The following PDGFRA variants were observed in gnomAD, a reference collection of about 807,000 sequenced individuals.
PDGFRA encodes platelet-derived growth factor receptor alpha.
In PDGFRA, 25 loss-of-function variants were observed where a neutral mutation model predicts 121.5. The observed-to-expected ratio is 0.21, with a 90% CI of 0.15 to 0.29. The LOEUF is 0.29. PDGFRA is among the 10% of genes least tolerant of loss of function. The probability of loss-of-function intolerance (pLI) is 1.00; values close to 1 mark genes in which losing one functional copy is unlikely to be tolerated. For synonymous variants in PDGFRA, 463 were observed against 494.8 expected, an observed-to-expected ratio of 0.94 and a Z score of 0.85; for missense variants, 1,008 against 1,345.1, an observed-to-expected ratio of 0.75 and a Z score of 3.92.
At chr4:54,248,258 G>T (rs1348353607) in intron 1 of PDGFRA, among the ~76,000 whole-genome samples, 3 of 152,196 alleles carry the variant, frequency 2.0e-5, no homozygotes, top group Non-Finnish European at 4.4e-5. Context: ...GCATCGCCAA[G>T]TCAGTCCTAA....
At chr4:54,282,051 G>A (rs1299591046) in intron 16 of PDGFRA, 2 of 788,242 alleles carry the variant, frequency 2.5e-6, no homozygotes, top group East Asian at 7.3e-5. Flanking sequence ...TTATGTGTAT[G>A]TGTGTTTTAA....
chr4:54,279,557 AT>A (rs1411923179), intron 15 of PDGFRA, among the ~76,000 whole-genome samples: 2 of 151,946 alleles, frequency 1.3e-5, no homozygotes, highest in Non-Finnish European at 2.9e-5. Context: ...TATTTAAAAA[AT>A]TTTTTTATTT....
Position 54,277,344 on chromosome 4 carries a change from G to A in PDGFRA, c.1787-44G>A, listed in dbSNP as rs776392577. The A allele has an allele frequency of 2.3e-6, 3 of 1,329,578 alleles. No homozygotes were observed. The South Asian group carries it at 3.5e-5, about 16-fold the overall frequency. The allele number at this position is 1,329,578 out of a possible 1,614,324, so 82.4% of individuals were successfully genotyped here. A position where few individuals can be genotyped will look rare whatever the true frequency, so the allele number is the denominator to read the frequency against. On this transcript the variant is annotated intron_variant, in intron 12 of 22. Transcript: ENST00000257290. ...TGGCTACGGTGCAGAAAGCTGAGGA[G>A]GCGTCTGGAGTTTTTGGGTGTTAAT...
intron 4 of PDGFRA, 110 bp downstream of exon 4, chr4:54,264,037 T>G: frequency 1.0e-6 from 1 of 990,030 alleles, no homozygotes; most frequent in Non-Finnish European, 1.5e-6. Context: ...GATCCTAAAT[T>G]CTGATTTGGG....
rs143939281 is a variant in PDGFRA at position 54,261,276 on chromosome 4, C to T, written c.231C>T (p.Asn77=). The T allele has an allele frequency of 1.5e-4, 246 of 1,614,068 alleles. No individual in the cohort carries two copies. Among genetic ancestry groups the T allele is most frequent in the Admixed American group, 2.7e-4 (16 of 60,006 alleles). ...SDVEIRNEEN[N]SGLFVTVLEV... Reference sequence around the variant, plus strand: ...TGGAAATCAGAAATGAAGAAAACAACAGCGGCCTTTTTGTGACGGTCTTGG... The same window carrying T: ...TGGAAATCAGAAATGAAGAAAACAATAGCGGCCTTTTTGTGACGGTCTTGG... Residue 77 remains asparagine (N), a synonymous_variant, in exon 3 of 23, where the codon AAC becomes AAT. Coordinates refer to ENST00000257290, the MANE Select transcript of PDGFRA (RefSeq NM_006206.6).
chr4:54,245,981 T>A (rs1476784527), intron 1 of PDGFRA, among the ~76,000 whole-genome samples: 1 of 152,142 alleles, frequency 6.6e-6, no homozygotes, highest in Non-Finnish European at 1.5e-5. Context: ...CATTACATAA[T>A]GGTAAAGGGA....
chr4:54,230,983 T>C lies in PDGFRA; in HGVS notation c.-13+1568T>C, dbSNP rs543053743. Among the ~76,000 whole-genome samples the C allele has an allele frequency of 1.1e-4, 17 of 152,330 alleles. No homozygotes were observed. In the South Asian group the frequency reaches 3.3e-3, roughly 30 times the overall value. On this transcript the variant is annotated intron_variant, in intron 1 of 22. Transcript: ENST00000257290. ...ACGAGTGTGGCCCAACCCGAGTACG[T>C]TGCCAGAGGGAGCCAGGAGCCTGGG...
At position 54,273,663 on chromosome 4, in the gene PDGFRA, C is replaced by A. The variant is rs752368881; in HGVS notation, c.1491C>A (p.Ile497=). Residue 497 remains isoleucine, a synonymous_variant, in exon 10 of 23, where the codon ATC becomes ATA. Transcript: ENST00000257290. The part of the protein sequence containing the change: ...RVTFAKVEET[I]AVRCLAKNLL... ...CTTTCGCCAAAGTGGAGGAGACCAT[C>A]GCCGTGCGATGCCTGGCTAAGAATC... The A allele has an allele frequency of 1.9e-6, 3 of 1,614,024 alleles. No individual in the cohort carries two copies. The East Asian group carries it at 6.7e-5, about 36-fold the overall frequency.
chr4:54,291,677 G>T (rs1205312116), intron 22 of PDGFRA, among the ~76,000 whole-genome samples: 4 of 152,200 alleles, frequency 2.6e-5, no homozygotes, highest in Non-Finnish European at 4.4e-5. Flanking sequence ...TACACTGCTT[G>T]TTGAAGTGCA....
intron 1 of PDGFRA, among the ~76,000 whole-genome samples, chr4:54,245,084 A>G (rs1247360405): frequency 6.6e-6 from 1 of 152,226 alleles, no homozygotes; most frequent in Non-Finnish European, 1.5e-5. Flanking sequence ...GACCAAATCT[A>G]CGTCTGATTG....
chr4:54,252,604 A>G (rs1305743157), intron 1 of PDGFRA, among the ~76,000 whole-genome samples: 2 of 152,166 alleles, frequency 1.3e-5, no homozygotes, highest in African/African-American at 2.4e-5. Flanking sequence ...AAAAAAGAAG[A>G]TGTGTAATTT....
intron 1 of PDGFRA, among the ~76,000 whole-genome samples, chr4:54,235,073 T>C (rs1720937286): frequency 6.6e-6 from 1 of 152,164 alleles, no homozygotes; most frequent in African/African-American, 2.4e-5. Flanking sequence ...AGGGAGAAGT[T>C]TCCACCAGTG....
chr4:54,236,909 AG>A (rs749291926), intron 1 of PDGFRA, among the ~76,000 whole-genome samples: 18 of 152,232 alleles, frequency 1.2e-4, no homozygotes, highest in Non-Finnish European at 2.4e-4. Flanking sequence ...TGGAATCTTA[AG>A]CAACAAACAC....
intron 1 of PDGFRA, among the ~76,000 whole-genome samples, chr4:54,254,555 T>G (rs1722248125): frequency 6.6e-6 from 1 of 152,202 alleles, no homozygotes; most frequent in African/African-American, 2.4e-5. Flanking sequence ...AACCCTTCTT[T>G]TAAGCTCGAG....
intron 1 of PDGFRA, among the ~76,000 whole-genome samples, chr4:54,255,696 AG>A (rs777900730): frequency 3.3e-5 from 5 of 151,950 alleles, no homozygotes; most frequent in Non-Finnish European, 2.9e-5. Flanking sequence ...TAGTAGAGAC[AG>A]GGTTTCACCG....
At chr4:54,229,615 G>C (rs1333260500) in intron 1 of PDGFRA, among the ~76,000 whole-genome samples, 200 bp downstream of exon 1, 6 of 151,814 alleles carry the variant, frequency 4.0e-5, no homozygotes, top group African/African-American at 9.7e-5. Flanking sequence ...TAACCATAGA[G>C]TTAGAAAGTC....
At chr4:54,244,746 G>T (rs1469420379) in intron 1 of PDGFRA, among the ~76,000 whole-genome samples, 1 of 152,176 alleles carries the variant, frequency 6.6e-6, no homozygotes, top group African/African-American at 2.4e-5. Context: ...GAGAGAAGAA[G>T]GCTTCAGACG....
At chr4:54,249,283 G>T (rs1334282478) in intron 1 of PDGFRA, among the ~76,000 whole-genome samples, 1 of 152,066 alleles carries the variant, frequency 6.6e-6, no homozygotes, top group Non-Finnish European at 1.5e-5. Flanking sequence ...CCCATTACTG[G>T]GTATATACCC....
In PDGFRA at chr4:54,297,204, T is replaced by TACTGCTTAATTGCTGATTAACTGCTTA. The variant is rs1396233949; in HGVS notation, c.*1949_*1950insTAACTGCTTAACTGCTTAATTGCTGAT. ...GTGGGTTCATTGGCATTCTTTGCAA[T>TACTGCTTAATTGCTGATTAACTGCTTA]ACTGCTTAATTGCTGATACCATATG... On this transcript the variant is annotated 3_prime_UTR_variant, in exon 23 of 23. Coordinates refer to ENST00000257290, the MANE Select transcript of PDGFRA (RefSeq NM_006206.6). 2 of 233,556 alleles carry TACTGCTTAATTGCTGATTAACTGCTTA rather than the reference T, an allele frequency of 8.6e-6. No individual in the cohort carries two copies. Among genetic ancestry groups the TACTGCTTAATTGCTGATTAACTGCTTA allele is most frequent in the Non-Finnish European group, 1.7e-5 (2 of 118,062 alleles). 14.5% of individuals were successfully genotyped at this position (233,556 alleles called of 1,614,324 possible).
Sources: allele counts gnomAD v4.1 joint callset (sites outside exome capture counted in the v4.1 genomes callset), GRCh38; gene constraint gnomAD v4.1.1; transcripts MANE v1.5; gene names NCBI Gene and HGNC (gene_info 2026-07-23, HGNC 2026-07-21).